PHF19: variants seen among roughly 807,000 people sequenced by gnomAD.
PHF19 encodes the protein PHD finger protein 19, also known as polycomb like 3.
In PHF19, 21 loss-of-function variants were observed where a neutral mutation model predicts 79.8. The ratio of observed to expected loss-of-function variants is 0.26; its 90% CI spans 0.19 to 0.38. PHF19 has a LOEUF of 0.38. Ranked by LOEUF, PHF19 falls within the 10% of genes least tolerant of loss-of-function variation. The pLI is 1.00. For missense variants in PHF19, 445 were observed against 744.2 expected (o/e 0.60, Z 4.68); for synonymous variants, 273 against 296.3 (o/e 0.92, Z 0.81).
chr9:120,877,209 T>G, upstream of PHF19: 4 of 804,498 alleles, frequency 5.0e-6, no homozygotes, highest in South Asian at 1.2e-4. Flanking sequence ...GGGGCCGGGG[T>G]CGGGGTCTCG....
rs1416849747 is a variant in PHF19 at position 120,870,325 on chromosome 9, G to A, written c.364+118C>T. ...AACTGGCCCCCTTTCACCCTGCAGT[G>A]CCAAGAGAAACAGGAAGCCAGCTGA... is the stretch of plus-strand genomic sequence containing the variant. On this transcript the variant is annotated intron_variant, in intron 4 of 14. Transcript: ENST00000373896. The surrounding 1 kb of genome is among the most constrained non-coding windows in gnomAD (Gnocchi z 4.4). 5 of 711,766 alleles carry A rather than the reference G, an allele frequency of 7.0e-6. No individual in the cohort carries two copies. In the East Asian group the frequency reaches 7.4e-5, roughly 11 times the overall value. 44.1% of individuals were successfully genotyped at this position (711,766 alleles called of 1,614,324 possible). A position where few individuals can be genotyped will look rare whatever the true frequency, so the allele number is the denominator to read the frequency against.
chr9:120,863,575 C>T (rs1034180071), intron 10 of PHF19, among the ~76,000 whole-genome samples: 2 of 152,180 alleles, frequency 1.3e-5, no homozygotes, highest in East Asian at 1.9e-4. Context: ...GCAGAGGACG[C>T]GGGCACAGCC....
chr9:120,858,772 C>T (rs2045421012), intron 14 of PHF19, among the ~76,000 whole-genome samples: 1 of 150,816 alleles, frequency 6.6e-6, no homozygotes, highest in South Asian at 2.1e-4. Context: ...GACTGAAGGA[C>T]CCTGTACCCT....
At chr9:120,892,737 T>C (rs1239556079) in intron 1 of PHF19, among the ~76,000 whole-genome samples, 1 of 152,114 alleles carries the variant, frequency 6.6e-6, no homozygotes, top group Non-Finnish European at 1.5e-5. Flanking sequence ...TTTATGCTTG[T>C]ATATCAAATA....
the PHF19 span, among the ~76,000 whole-genome samples, chr9:120,901,738 T>G: frequency 6.6e-6 from 1 of 152,246 alleles, no homozygotes; most frequent in Middle Eastern, 3.4e-3. Flanking sequence ...GTATTCTAAG[T>G]GCACTTCAGG....
chr9:120,869,268 C>G lies in PHF19; in HGVS notation c.528G>C (p.Leu176=). The stretch of plus-strand genomic sequence containing the variant: ...ACTCGAGCTCCTCGGGCTGGTAGGA[C>G]AGCACCATCTTCACGGCCTGCAGCG... ...ARTLQAVKMV[L]SYQPEELEWD... Residue 176 remains leucine, a synonymous_variant, in exon 6 of 15, where the codon CTG becomes CTC. Coordinates refer to ENST00000373896, the MANE Select transcript of PHF19 (RefSeq NM_015651.3). The surrounding 1 kb of genome is among the most constrained non-coding windows in gnomAD (Gnocchi z 5.8). 1 of 1,612,992 alleles carries G rather than the reference C, an allele frequency of 6.2e-7. No homozygotes were observed. The highest frequency in any genetic ancestry group is 8.5e-7 in the Non-Finnish European group (1 of 1,179,736).
At chr9:120,893,234 C>A (rs1022660967) in intron 1 of PHF19, among the ~76,000 whole-genome samples, 1 of 152,224 alleles carries the variant, frequency 6.6e-6, no homozygotes, top group Non-Finnish European at 1.5e-5. Context: ...AGGACGCTCT[C>A]CCTTTGCTCA....
intron 3 of PHF19, among the ~76,000 whole-genome samples, chr9:120,871,084 G>C (rs767439063): frequency 1.3e-5 from 2 of 152,138 alleles, no homozygotes; most frequent in Admixed American, 6.5e-5. Context: ...TACATTTTTA[G>C]TAGAGACAGG....
At chr9:120,902,051 T>G in the PHF19 span, among the ~76,000 whole-genome samples, 1 of 152,118 alleles carries the variant, frequency 6.6e-6, no homozygotes, top group Non-Finnish European at 1.5e-5. Flanking sequence ...GTGCAGACAG[T>G]TTCCCCTGAG....
Position 120,869,637 on chromosome 9 carries a change from A to G in PHF19, c.465+208T>C. On this transcript the variant is annotated intron_variant, in intron 5 of 14. Transcript: ENST00000373896. This position sits in a 1 kb window ranked among gnomAD's most constrained non-coding sequence, Gnocchi z 5.8. ...ATTTATTGGTCCCGTTATTCCCGAC[A>G]CCAAACCCATCTCCACTTTACAGTT... is the stretch of plus-strand genomic sequence containing the variant. The G allele has an allele frequency of 6.5e-7, 1 of 1,533,956 alleles. No individual in the cohort carries two copies.
At chr9:120,884,066 CATTCTTTATA>C (rs1356830265) in intron 1 of PHF19, among the ~76,000 whole-genome samples, 7 of 152,202 alleles carry the variant, frequency 4.6e-5, no homozygotes, top group Admixed American at 4.6e-4. Flanking sequence ...TGCTCCCAGT[CATTCTTTATA>C]AAGGTTGTTA....
At chr9:120,897,199 G>A (rs1197988325), upstream of PHF19, among the ~76,000 whole-genome samples, 3 of 152,272 alleles carry the variant, frequency 2.0e-5, no homozygotes, top group Non-Finnish European at 4.4e-5. Context: ...ACCCCCATTG[G>A]CAGGGAGATG....
At chr9:120,858,478 G>A (rs1264316121) in intron 14 of PHF19, among the ~76,000 whole-genome samples, 192 bp from the exon 15 acceptor site, 3 of 152,076 alleles carry the variant, frequency 2.0e-5, no homozygotes, top group East Asian at 1.9e-4. Flanking sequence ...TCTATGCCTT[G>A]GGCATAGATT....
intron 1 of PHF19, chr9:120,876,453 C>A (rs796660248): frequency 6.6e-6 from 1 of 151,188 alleles, no homozygotes; most frequent in South Asian, 2.1e-4. Flanking sequence ...GGGTGGCGCC[C>A]CCCCAGCCCC....
intron 9 of PHF19, 65 bp downstream of exon 9, chr9:120,865,645 T>C: frequency 6.3e-7 from 1 of 1,595,154 alleles, no homozygotes; most frequent in South Asian, 1.1e-5. Context: ...ATCCTAGTCC[T>C]GCACTGCGTG....
At chr9:120,894,609 A>G (rs1399351514) in intron 1 of PHF19, among the ~76,000 whole-genome samples, 1 of 151,858 alleles carries the variant, frequency 6.6e-6, no homozygotes. Context: ...CCCGGCTGCC[A>G]AGAGAAGGCC....
At chr9:120,890,620 T>C (rs881375) in intron 1 of PHF19, among the ~76,000 whole-genome samples, 104,111 of 151,988 alleles carry the variant, frequency 0.68, 35,924 homozygotes, top group Middle Eastern at 0.8. Context: ...CAGACAAACA[T>C]GTCTTTAACA....
At chr9:120,875,126 G>T (rs574164667) in intron 1 of PHF19, among the ~76,000 whole-genome samples, 2 of 152,286 alleles carry the variant, frequency 1.3e-5, no homozygotes, top group Admixed American at 1.3e-4. Flanking sequence ...CAGTCCATGT[G>T]CTCTGGATGG....
intron 1 of PHF19, chr9:120,875,895 C>T (rs529005606): frequency 6.4e-4 from 98 of 153,238 alleles, no homozygotes; most frequent in Middle Eastern, 6.6e-3. Flanking sequence ...CTCCAAGTCC[C>T]TCCACATGCT....
Sources: allele counts gnomAD v4.1 joint callset (sites outside exome capture counted in the v4.1 genomes callset), GRCh38; gene constraint gnomAD v4.1.1; non-coding constraint Gnocchi (gnomAD v3.1); transcripts MANE v1.5; gene names NCBI Gene and HGNC (gene_info 2026-07-23, HGNC 2026-07-21).